GTF2H5: variants seen among roughly 807,000 people sequenced by gnomAD.
GTF2H5 encodes TFB5 ortholog.
GTF2H5 carries 5 observed loss-of-function variants against 7.1 expected under a neutral mutation model. The ratio of observed to expected loss-of-function variants is 0.71; its 90% CI spans 0.37 to 1.49. The LOEUF (loss-of-function observed/expected upper bound fraction) is 1.49. Ranked by LOEUF, GTF2H5 falls within the 40% of genes most tolerant of loss-of-function variation. GTF2H5 has a pLI of 0.03. For synonymous variants in GTF2H5, 30 were observed against 31.7 expected, an observed-to-expected ratio of 0.95 and a Z score of 0.18; for missense variants, 80 against 83.0, an observed-to-expected ratio of 0.96 and a Z score of 0.14.
chr6:158,169,838 TACACACAC>T (rs34582974), intron 1 of GTF2H5, among the ~76,000 whole-genome samples: 2 of 116,214 alleles, frequency 1.7e-5, no homozygotes, highest in Non-Finnish European at 3.3e-5. Context: ...TGTATATATA[TACACACAC>T]ACACACACGA....
intron 2 of GTF2H5, among the ~76,000 whole-genome samples, chr6:158,187,325 C>T (rs1052009716): frequency 2.0e-5 from 3 of 151,820 alleles, no homozygotes; most frequent in Non-Finnish European, 4.4e-5. Flanking sequence ...AAAAAGGTGC[C>T]AGACTCCCCT....
intron 2 of GTF2H5, among the ~76,000 whole-genome samples, chr6:158,177,578 A>G (rs1785950258): frequency 6.6e-6 from 1 of 152,150 alleles, no homozygotes; most frequent in Non-Finnish European, 1.5e-5. Context: ...CTGTGGTTGC[A>G]GTGGTTATCA....
chr6:158,185,962 T>C (rs1033929799), intron 2 of GTF2H5, among the ~76,000 whole-genome samples: 4 of 152,056 alleles, frequency 2.6e-5, no homozygotes, highest in African/African-American at 9.7e-5. Context: ...CCTACTGCCC[T>C]CCAGCCTGGG....
At chr6:158,174,855 A>G (rs182488099) in intron 2 of GTF2H5, among the ~76,000 whole-genome samples, 166 of 152,328 alleles carry the variant, frequency 1.1e-3, no homozygotes, top group African/African-American at 3.5e-3. Flanking sequence ...TTCTAAAGCT[A>G]TATCGTTTAT....
chr6:158,169,012 T>A (rs975506300), intron 1 of GTF2H5, among the ~76,000 whole-genome samples: 2 of 151,876 alleles, frequency 1.3e-5, no homozygotes, highest in African/African-American at 2.4e-5. Flanking sequence ...GGTAGGTGGA[T>A]CATTTGAGAT....
intron 2 of GTF2H5, among the ~76,000 whole-genome samples, chr6:158,171,379 C>G (rs1286707133): frequency 6.6e-6 from 1 of 152,226 alleles, no homozygotes; most frequent in Non-Finnish European, 1.5e-5. Context: ...GCACATCTCA[C>G]AGACTAACCG....
chr6:158,176,941 G>T (rs562646093), intron 2 of GTF2H5, among the ~76,000 whole-genome samples: 43 of 152,362 alleles, frequency 2.8e-4, no homozygotes, highest in African/African-American at 1.0e-3. Context: ...TATTGTTTGT[G>T]GTTTAAGAAA....
chr6:158,174,783 C>T (rs1785905664), intron 2 of GTF2H5, among the ~76,000 whole-genome samples: 1 of 152,156 alleles, frequency 6.6e-6, no homozygotes, highest in African/African-American at 2.4e-5. Flanking sequence ...GTTTACATCA[C>T]AATAGCAAAG....
rs752528478 is a variant in GTF2H5, at chr6:158,170,509, C to G, written c.6C>G (p.Val2=). The change falls in exon 2 of 3, where the codon GTC becomes GTG. Residue 2 remains valine, a synonymous_variant. Transcript: ENST00000607778. M[V]NVLKGVLIEC... ...TCTGAACCTTCTGAGAAAACATGGT[C>G]AACGTCTTGAAAGGAGTGCTTATAG... 1.9e-5 allele frequency: 30 copies of G among 1,609,382 alleles called. No homozygotes were observed. The Admixed American group carries it at 5.0e-4, about 27-fold the overall frequency.
chr6:158,175,910 C>A (rs1173694612), intron 2 of GTF2H5, among the ~76,000 whole-genome samples: 1 of 152,110 alleles, frequency 6.6e-6, no homozygotes, highest in Non-Finnish European at 1.5e-5. Context: ...TTAAGTGATT[C>A]AGGGAAATGA....
chr6:158,169,496 T>C lies in GTF2H5; in HGVS notation c.-34-974T>C, dbSNP rs1350404782. On this transcript the variant is annotated intron_variant, in intron 1 of 2. Coordinates refer to ENST00000607778, the MANE Select transcript of GTF2H5 (RefSeq NM_207118.3). ...ATATTATATATAATATATTGTATAT[T>C]ATATAATATATTGTATATTATATAT... 1.2e-3 allele frequency among the ~76,000 whole-genome samples: 41 copies of C among 35,648 alleles called. 5 individuals carry two copies. The highest frequency in any genetic ancestry group is 8.6e-3 in the African/African-American group (36 of 4,206). 23.4% of individuals were successfully genotyped at this position (35,648 alleles called of 152,430 possible).
chr6:158,175,010 A>ATGTGTGTGTGTGTGTG (rs200557393), intron 2 of GTF2H5, among the ~76,000 whole-genome samples: 3 of 138,316 alleles, frequency 2.2e-5, no homozygotes, highest in African/African-American at 5.7e-5. Context: ...TGTGCCTGAG[A>ATGTGTGTGTGTGTGTG]TGTGTGTGTG....
intron 2 of GTF2H5, among the ~76,000 whole-genome samples, chr6:158,184,523 C>A (rs1229539470): frequency 6.6e-6 from 1 of 152,074 alleles, no homozygotes; most frequent in Non-Finnish European, 1.5e-5. Context: ...TCTCTTAAGA[C>A]CCTACTCATG....
Position 158,169,418 on chromosome 6 carries a change from A to G in GTF2H5, c.-35+1023A>G, listed in dbSNP as rs1384264855. ...AATATTATATTGTATATTATATATT[A>G]TATATAATATATTGTATATTATATA... On this transcript the variant is annotated intron_variant, in intron 1 of 2. Transcript: ENST00000607778. 4.5e-5 allele frequency among the ~76,000 whole-genome samples: 4 copies of G among 89,720 alleles called. 1 individual carries two copies. In the Admixed American group the frequency reaches 5.9e-4, roughly 13 times the overall value. The allele number at this position is 89,720 out of a possible 152,430, so 58.9% of individuals were successfully genotyped here.
Position 158,169,681 on chromosome 6 carries a change from A to G in GTF2H5, c.-34-789A>G, listed in dbSNP as rs60177719. Among the ~76,000 whole-genome samples the G allele has an allele frequency of 7.6e-5, 4 of 52,484 alleles. 1 individual carries two copies. Among genetic ancestry groups the G allele is most frequent in the African/African-American group, 1.0e-4 (1 of 9,722 alleles). The allele number at this position is 52,484 out of a possible 152,430, so 34.4% of individuals were successfully genotyped here. ...TATAATATATTGTATATTATATAAT[A>G]TATAATATATATTATATAATATATT... On this transcript the variant is annotated intron_variant, in intron 1 of 2. Transcript: ENST00000607778.
intron 2 of GTF2H5, among the ~76,000 whole-genome samples, chr6:158,175,044 G>GTGTGTATATATATGTGTGTGTGTGTGTA: frequency 7.0e-6 from 1 of 142,794 alleles, no homozygotes; most frequent in Non-Finnish European, 1.5e-5. Flanking sequence ...GTGTGTGTGT[G>GTGTGTATATATATGTGTGTGTGTGTGTA]TATACACACA....
chr6:158,192,122 A>G lies in GTF2H5; in HGVS notation c.181A>G (p.Met61Val). 2.5e-6 allele frequency: 4 copies of G among 1,613,492 alleles called. No individual in the cohort carries two copies. The highest frequency in any genetic ancestry group is 2.5e-6 in the Non-Finnish European group (3 of 1,179,938). The change falls in exon 3 of 3, where the codon ATG becomes GTG. Residue 61 changes from methionine to valine, a missense_variant. Transcript: ENST00000607778. The stretch of plus-strand genomic sequence containing the variant: ...CCTCCAGGAGCGAGTGGGTGAATTA[A>G]TGGACCAAAATGCTTTTTCCCTTAC... ...NVLQERVGEL[M>V]DQNAFSLTQK
intron 2 of GTF2H5, among the ~76,000 whole-genome samples, chr6:158,179,843 T>G (rs1357374929): frequency 6.6e-6 from 1 of 152,206 alleles, no homozygotes; most frequent in African/African-American, 2.4e-5. Context: ...TTCTCTTGCC[T>G]GATTGCCCTG....
At chr6:158,170,672 G>C in intron 2 of GTF2H5, 134 bp downstream of exon 2, 1 of 718,426 alleles carries the variant, frequency 1.4e-6, no homozygotes, top group Non-Finnish European at 2.5e-6. Flanking sequence ...AAGTGGCACA[G>C]ATTTTGTTGC....
Sources: gnomAD v4.1 joint callset for allele counts (sites outside exome capture counted in the v4.1 genomes callset) on GRCh38, gnomAD v4.1.1 for gene constraint, MANE v1.5 for transcripts, NCBI Gene and HGNC (gene_info 2026-07-23, HGNC 2026-07-21) for gene names.